Variants in FANCB observed in about 807,000 individuals in gnomAD.
The protein encoded by FANCB is FA complementation group B.
A neutral mutation model predicts 38.9 loss-of-function variants in FANCB; 5 were observed. That is an observed-to-expected ratio of 0.13 (90% CI 0.07 to 0.27). The LOEUF is 0.27. Among genes scored for constraint, FANCB ranks in the 10% least tolerant of loss-of-function variants. The pLI is 1.00. For missense variants in FANCB, 573 were observed against 602.7 expected, an observed-to-expected ratio of 0.95 and a Z score of 0.52; for synonymous variants, 236 against 215.4, an observed-to-expected ratio of 1.10 and a Z score of -0.84.
chrX:14,755,266 C>T, the FANCB span, among the ~76,000 whole-genome samples: 1 of 111,672 alleles, frequency 9.0e-6, no homozygotes, highest in African/African-American at 3.3e-5. Context: ...ATTTTCACCA[C>T]TTCCAATCAA....
At chrX:14,767,109 T>C in the FANCB span, among the ~76,000 whole-genome samples, 3 of 112,269 alleles carry the variant, frequency 2.7e-5, no homozygotes, top group African/African-American at 9.7e-5. Flanking sequence ...TTTGGGTTGA[T>C]GCCATGTCTT....
intron 1 of FANCB, among the ~76,000 whole-genome samples, chrX:14,870,231 T>TA (rs1194976409): frequency 1.8e-5 from 2 of 111,260 alleles, no homozygotes; most frequent in Non-Finnish European, 3.8e-5. Context: ...AACTGGCATT[T>TA]AAAAAAAATA....
At chrX:14,794,491 T>C in the FANCB span, among the ~76,000 whole-genome samples, 1 of 112,328 alleles carries the variant, frequency 8.9e-6, no homozygotes, top group African/African-American at 3.2e-5. Context: ...GAAGTCATCA[T>C]GAATATGGAA....
chrX:14,818,812 G>A, the FANCB span, among the ~76,000 whole-genome samples: 4 of 111,709 alleles, frequency 3.6e-5, no homozygotes, highest in East Asian at 2.8e-4. Flanking sequence ...TTACTCGTAC[G>A]AAGTCTTTGA....
chrX:14,815,150 C>T, the FANCB span, among the ~76,000 whole-genome samples: 5 of 110,371 alleles, frequency 4.5e-5, no homozygotes, highest in South Asian at 3.8e-4. Flanking sequence ...GCAGGGAACA[C>T]CACACACCAG....
chrX:14,870,046 A>G (rs2092487917), intron 1 of FANCB, among the ~76,000 whole-genome samples: 1 of 112,244 alleles, frequency 8.9e-6, no homozygotes, highest in South Asian at 3.6e-4. Context: ...GCTATTTATT[A>G]TATCTAAGTA....
At chrX:14,777,705 G>A in the FANCB span, among the ~76,000 whole-genome samples, 1 of 112,025 alleles carries the variant, frequency 8.9e-6, no homozygotes, top group African/African-American at 3.2e-5. Flanking sequence ...ACAAAATGTT[G>A]CAAAGCTTTC....
At chrX:14,847,651 GAAAAA>G (rs755588273) in intron 7 of FANCB, among the ~76,000 whole-genome samples, 1 of 90,481 alleles carries the variant, frequency 1.1e-5, no homozygotes, top group South Asian at 4.6e-4. Flanking sequence ...TCTAAAGGAG[GAAAAA>G]AAAAAAAAGA....
At chrX:14,697,456 T>C in the FANCB span, among the ~76,000 whole-genome samples, 1 of 111,281 alleles carries the variant, frequency 9.0e-6, no homozygotes, top group South Asian at 3.8e-4. Flanking sequence ...CCTTAACACA[T>C]GGTGAAATCG....
intron 7 of FANCB, among the ~76,000 whole-genome samples, chrX:14,848,274 TC>T (rs1255232238): frequency 1.8e-5 from 2 of 112,132 alleles, no homozygotes; most frequent in African/African-American, 3.2e-5. Flanking sequence ...GTGATGTGCT[TC>T]CCCCTCCAGA....
chrX:14,694,902 G>C, the FANCB span, among the ~76,000 whole-genome samples: 1 of 111,844 alleles, frequency 8.9e-6, no homozygotes, highest in Admixed American at 9.5e-5. Context: ...TAAGCAACTG[G>C]GTAAGTAGTG....
chrX:14,757,940 T>A, the FANCB span, among the ~76,000 whole-genome samples: 2 of 111,560 alleles, frequency 1.8e-5, no homozygotes, highest in Non-Finnish European at 3.8e-5. Flanking sequence ...CTTTCTCAGC[T>A]GGGAGGCTGG....
intron 5 of FANCB, among the ~76,000 whole-genome samples, chrX:14,856,278 G>C (rs2092422798): frequency 8.9e-6 from 1 of 111,769 alleles, no homozygotes; most frequent in Admixed American, 9.5e-5. Flanking sequence ...GAAACTGCAA[G>C]AGTAAAAAGA....
the FANCB span, among the ~76,000 whole-genome samples, chrX:14,770,556 C>T: frequency 8.9e-6 from 1 of 112,091 alleles, no homozygotes; most frequent in Admixed American, 9.4e-5. Context: ...CTCTTGAAGA[C>T]AGCACACTGA....
chrX:14,726,737 G>A, the FANCB span, among the ~76,000 whole-genome samples: 1 of 112,434 alleles, frequency 8.9e-6, no homozygotes, highest in Admixed American at 9.4e-5. Context: ...CACAGTATGT[G>A]ATGAAAGACT....
the FANCB span, among the ~76,000 whole-genome samples, chrX:14,810,693 G>T: frequency 8.9e-6 from 1 of 111,906 alleles, no homozygotes; most frequent in Non-Finnish European, 1.9e-5. Context: ...CGTCTGATTG[G>T]TGTACCTGAA....
At chrX:14,691,369 T>C in the FANCB span, among the ~76,000 whole-genome samples, 10 of 109,312 alleles carry the variant, frequency 9.1e-5, no homozygotes, top group Admixed American at 9.8e-4. Flanking sequence ...TGACTTTTTT[T>C]CATCAATTGC....
chrX:14,770,874 T>C, the FANCB span, among the ~76,000 whole-genome samples: 1 of 111,864 alleles, frequency 8.9e-6, no homozygotes, highest in Admixed American at 9.5e-5. Flanking sequence ...AAGGATCTTA[T>C]TTCTCCTTTG....
intron 7 of FANCB, among the ~76,000 whole-genome samples, chrX:14,848,545 G>A (rs1207488530): frequency 9.0e-6 from 1 of 111,664 alleles, no homozygotes; most frequent in African/African-American, 3.3e-5. Context: ...CTAGCTTCAC[G>A]TCCTGTTTCC....
Sources: allele counts gnomAD v4.1 joint callset (sites outside exome capture counted in the v4.1 genomes callset), GRCh38; gene constraint gnomAD v4.1.1; transcripts MANE v1.5; gene names NCBI Gene and HGNC (gene_info 2026-07-23, HGNC 2026-07-21).